AKAP13: variants seen among roughly 807,000 people sequenced by gnomAD.
AKAP13 encodes the protein A-kinase anchoring protein 13.
Under a neutral mutation model 264.5 loss-of-function variants are expected in AKAP13, and 80 were observed. That is an observed-to-expected ratio of 0.30 (90% CI 0.25 to 0.36). The LOEUF (loss-of-function observed/expected upper bound fraction) is 0.36, where lower values mean the gene tolerates loss of function less well. Ranked by LOEUF, AKAP13 falls within the 10% of genes least tolerant of loss-of-function variation. AKAP13 has a pLI of 1.00. For missense variants in AKAP13, 3,712 were observed against 3,435.2 expected, an observed-to-expected ratio of 1.08 and a Z score of -2.01; for synonymous variants, 1,380 against 1,250.2, an observed-to-expected ratio of 1.10 and a Z score of -2.19.
At chr15:85,573,801 G>A (rs2078909214) in intron 5 of AKAP13, among the ~76,000 whole-genome samples, 1 of 151,942 alleles carries the variant, frequency 6.6e-6, no homozygotes, top group Admixed American at 6.6e-5. Context: ...GAAAAAAGTA[G>A]ATATGTTTTT....
At chr15:85,629,640 GA>G (rs758568952) in intron 8 of AKAP13, among the ~76,000 whole-genome samples, 34 of 152,178 alleles carry the variant, frequency 2.2e-4, no homozygotes, top group Non-Finnish European at 4.1e-4. Flanking sequence ...AAGCCTCACT[GA>G]GTGTGTTTTC....
chr15:85,671,431 C>G (rs973088507), intron 14 of AKAP13, among the ~76,000 whole-genome samples: 5 of 67,634 alleles, frequency 7.4e-5, no homozygotes, highest in Admixed American at 1.7e-4. Flanking sequence ...GAGACACTGC[C>G]TCAAAAAAAA....
chr15:85,698,482 A>AAT (rs71141477), intron 17 of AKAP13, among the ~76,000 whole-genome samples: 3 of 149,528 alleles, frequency 2.0e-5, no homozygotes, highest in African/African-American at 7.4e-5. Context: ...AAAAAAAAAA[A>AAT]GGAGAGAGAG....
At chr15:85,462,155 G>A (rs1372189981) in intron 1 of AKAP13, among the ~76,000 whole-genome samples, 36 of 152,164 alleles carry the variant, frequency 2.4e-4, no homozygotes, top group South Asian at 2.1e-4. Flanking sequence ...TGTTTTTCAT[G>A]GCTTCTCACC....
chr15:85,562,574 A>AAAAAATATAT (rs1351834745), intron 5 of AKAP13, among the ~76,000 whole-genome samples: 3 of 77,668 alleles, frequency 3.9e-5, no homozygotes, highest in African/African-American at 1.2e-4. Flanking sequence ...CAAAAAAAAA[A>AAAAAATATAT]ATATATATAT....
chr15:85,606,962 G>T lies in AKAP13; in HGVS notation c.4161+21139G>T, dbSNP rs1275360357. The stretch of plus-strand genomic sequence containing the variant: ...GGGGATTGTTTCGGGGACATTTTAA[G>T]TTCAATCCAAATTAGGCACTTGGGG... On this transcript the variant is annotated intron_variant, in intron 8 of 36. Transcript: ENST00000394518. 3.3e-5 allele frequency among the ~76,000 whole-genome samples: 5 copies of T among 152,106 alleles called. No homozygotes were observed. The East Asian group carries it at 9.6e-4, about 29-fold the overall frequency.
chr15:85,683,462 C>T (rs4843091), intron 15 of AKAP13: 77,070 of 152,078 alleles, frequency 0.51, 20,173 homozygotes, highest in Middle Eastern at 0.65. Flanking sequence ...CCCAGCTGCT[C>T]TTTTGTTTGT....
intron 2 of AKAP13, among the ~76,000 whole-genome samples, chr15:85,509,721 A>G (rs1596372256): frequency 6.6e-6 from 1 of 152,224 alleles, no homozygotes; most frequent in African/African-American, 2.4e-5. Flanking sequence ...AGGAAGGCCA[A>G]GGGATAGCAC....
chr15:85,719,616 T>A (rs1188257976), intron 23 of AKAP13, among the ~76,000 whole-genome samples: 1 of 152,154 alleles, frequency 6.6e-6, no homozygotes, highest in East Asian at 1.9e-4. Context: ...GTCTGTGCCA[T>A]CATCAGAAAC....
chr15:85,735,218 T>C (rs2088355850), intron 31 of AKAP13, 68 bp downstream of exon 31: 3 of 1,554,256 alleles, frequency 1.9e-6, no homozygotes, highest in Admixed American at 3.9e-5. Flanking sequence ...CAAAATGACT[T>C]GTACTTTAGT....
chr15:85,676,252 A>G (rs1386704466), intron 14 of AKAP13, among the ~76,000 whole-genome samples: 2 of 152,206 alleles, frequency 1.3e-5, no homozygotes, highest in African/African-American at 4.8e-5. Flanking sequence ...GTAGTAGACA[A>G]TGTCCTAAAC....
intron 1 of AKAP13, among the ~76,000 whole-genome samples, chr15:85,437,391 A>C (rs1344189224): frequency 6.6e-6 from 1 of 152,252 alleles, no homozygotes; most frequent in African/African-American, 2.4e-5. Context: ...TACCAGAGAC[A>C]CAAGGAGGAA....
intron 1 of AKAP13, among the ~76,000 whole-genome samples, chr15:85,409,214 G>C (rs1203251758): frequency 6.6e-6 from 1 of 151,344 alleles, no homozygotes; most frequent in African/African-American, 2.4e-5. Context: ...AGTTTCACTC[G>C]TCGCCTAGCC....
chr15:85,734,899 G>T, intron 30 of AKAP13, 93 bp from the exon 31 acceptor site: 1 of 1,485,722 alleles, frequency 6.7e-7, no homozygotes, highest in East Asian at 2.3e-5. Context: ...GAACTTTCAA[G>T]TCGTGCTCTT....
chr15:85,731,204 C>T (rs1006588614), intron 30 of AKAP13, among the ~76,000 whole-genome samples: 3 of 151,920 alleles, frequency 2.0e-5, no homozygotes, highest in African/African-American at 7.3e-5. Flanking sequence ...CAGGGTTTCA[C>T]CATGTTGGCC....
At chr15:85,643,591 C>G (rs1439984574) in intron 9 of AKAP13, among the ~76,000 whole-genome samples, 2 of 152,234 alleles carry the variant, frequency 1.3e-5, no homozygotes, top group Admixed American at 6.5e-5. Flanking sequence ...ACTTCCCTCT[C>G]TGTGCAGATA....
At chr15:85,728,605 A>C (rs2087758898) in intron 29 of AKAP13, among the ~76,000 whole-genome samples, 1 of 152,188 alleles carries the variant, frequency 6.6e-6, no homozygotes, top group Non-Finnish European at 1.5e-5. Flanking sequence ...CACAATTAGC[A>C]TGTGTGGGAT....
intron 5 of AKAP13, among the ~76,000 whole-genome samples, chr15:85,560,054 G>A (rs142822127): frequency 1.1e-4 from 16 of 143,306 alleles, no homozygotes; most frequent in Non-Finnish European, 1.5e-4. Context: ...GAGCCTAAGC[G>A]CAGATGTCTG....
chr15:85,449,649 CA>C (rs777048690), intron 1 of AKAP13, among the ~76,000 whole-genome samples: 95 of 152,242 alleles, frequency 6.2e-4, no homozygotes, highest in African/African-American at 2.1e-3. Context: ...TGAGTTTTAT[CA>C]AAAGCCTTTT....
Sources: gnomAD v4.1 joint callset for allele counts (sites outside exome capture counted in the v4.1 genomes callset) on GRCh38, gnomAD v4.1.1 for gene constraint, MANE v1.5 for transcripts, NCBI Gene and HGNC (gene_info 2026-07-23, HGNC 2026-07-21) for gene names.